LPIN1: variants seen among roughly 807,000 people sequenced by gnomAD.
LPIN1 encodes phosphatidate phosphatase LPIN1.
A neutral mutation model predicts 107.5 loss-of-function variants in LPIN1; 71 were observed. The ratio of observed to expected loss-of-function variants is 0.66; its 90% CI spans 0.55 to 0.80. The LOEUF (loss-of-function observed/expected upper bound fraction) is 0.80, where lower values mean the gene tolerates loss of function less well. LPIN1 is among the 30% of genes least tolerant of loss of function. The pLI, the probability that LPIN1 is intolerant of heterozygous loss-of-function variation, is 0.00. For synonymous variants in LPIN1, 445 were observed against 452.6 expected, an observed-to-expected ratio of 0.98 and a Z score of 0.21; for missense variants, 1,043 against 1,160.6, an observed-to-expected ratio of 0.90 and a Z score of 1.47.
chr2:11,764,836 A>G (rs1291234871), intron 1 of LPIN1, among the ~76,000 whole-genome samples: 1 of 152,252 alleles, frequency 6.6e-6, no homozygotes, highest in East Asian at 1.9e-4. Flanking sequence ...AAACCTGTCC[A>G]TCATGACAGA....
At chr2:11,684,131 T>C (rs1661874088) in intron 1 of LPIN1, among the ~76,000 whole-genome samples, 2 of 152,234 alleles carry the variant, frequency 1.3e-5, no homozygotes, top group African/African-American at 2.4e-5. Context: ...GTGATCCGAA[T>C]GGCAGCTCTG....
chr2:11,819,447 G>A (rs1204023875), intron 18 of LPIN1, 37 bp from the exon 19 acceptor site: 6 of 1,286,218 alleles, frequency 4.7e-6, no homozygotes, highest in Non-Finnish European at 6.8e-6. Flanking sequence ...AGGAAGCTTA[G>A]CCTCTCATGT....
At chr2:11,730,208 AT>A (rs1477595515) in intron 1 of LPIN1, among the ~76,000 whole-genome samples, 3 of 151,336 alleles carry the variant, frequency 2.0e-5, no homozygotes, top group African/African-American at 7.3e-5. Context: ...AGTTTGGGTA[AT>A]TTCTGTTACC....
intron 20 of LPIN1, among the ~76,000 whole-genome samples, chr2:11,823,491 A>C (rs1384229654): frequency 6.6e-6 from 1 of 152,210 alleles, no homozygotes; most frequent in Non-Finnish European, 1.5e-5. Context: ...GTTTCTCATA[A>C]GTCCTTTGGA....
intron 1 of LPIN1, among the ~76,000 whole-genome samples, chr2:11,703,405 G>C (rs1662979981): frequency 6.6e-6 from 1 of 152,120 alleles, no homozygotes; most frequent in South Asian, 2.1e-4. Flanking sequence ...TGCTCTGAGA[G>C]CCCTGGGGTC....
At chr2:11,738,394 A>G (rs1304795705) in intron 1 of LPIN1, among the ~76,000 whole-genome samples, 4 of 151,700 alleles carry the variant, frequency 2.6e-5, no homozygotes, top group Non-Finnish European at 4.4e-5. Context: ...TTAAAAAAAA[A>G]AAAAAAGAAG....
At chr2:11,768,805 G>A (rs948526306) in intron 3 of LPIN1, among the ~76,000 whole-genome samples, 5 of 152,108 alleles carry the variant, frequency 3.3e-5, no homozygotes, top group African/African-American at 9.7e-5. Flanking sequence ...GCGTGGTGGC[G>A]GGTGCCTGTA....
At chr2:11,690,657 C>T (rs944687615) in intron 1 of LPIN1, among the ~76,000 whole-genome samples, 4 of 152,188 alleles carry the variant, frequency 2.6e-5, no homozygotes, top group Non-Finnish European at 1.5e-5. Context: ...ATCTCTTTGA[C>T]TTGCTGTGCC....
rs764494512 is a variant in LPIN1, at chr2:11,765,790, A to G, written c.192+57A>G. 22 of 1,489,524 alleles carry G rather than the reference A, an allele frequency of 1.5e-5. No individual in the cohort carries two copies. The highest frequency in any genetic ancestry group is 1.9e-5 in the Non-Finnish European group (21 of 1,088,544). The allele number at this position is 1,489,524 out of a possible 1,614,324, so 92.3% of individuals were successfully genotyped here. On this transcript the variant is annotated intron_variant, in intron 2 of 20. Transcript: ENST00000674199. The surrounding 1 kb of genome is among the most constrained non-coding windows in gnomAD (Gnocchi z 4.4). ...GGCTCTCCTTAGAGAATGCCCTTGTACTCTGGTGATGCCACCTGTCTTGAA... is the reference window on the plus strand; with the variant it reads ...GGCTCTCCTTAGAGAATGCCCTTGTGCTCTGGTGATGCCACCTGTCTTGAA...
At chr2:11,754,147 G>A (rs1348629230) in intron 1 of LPIN1, among the ~76,000 whole-genome samples, 1 of 152,174 alleles carries the variant, frequency 6.6e-6, no homozygotes, top group Non-Finnish European at 1.5e-5. Flanking sequence ...GACATGATCC[G>A]TTGGCCCCAC....
chr2:11,754,140 A>G (rs887977573), intron 1 of LPIN1, among the ~76,000 whole-genome samples: 1 of 152,192 alleles, frequency 6.6e-6, no homozygotes, highest in Non-Finnish European at 1.5e-5. Context: ...TTGTCCTGAC[A>G]TGATCCGTTG....
At chr2:11,778,400 C>T (rs1045876181) in intron 6 of LPIN1, among the ~76,000 whole-genome samples, 1 of 152,252 alleles carries the variant, frequency 6.6e-6, no homozygotes, top group Non-Finnish European at 1.5e-5. Flanking sequence ...TCTGGCTGCT[C>T]TATGCAGCTT....
intron 1 of LPIN1, among the ~76,000 whole-genome samples, chr2:11,693,663 A>G (rs1017242283): frequency 4.0e-5 from 6 of 150,908 alleles, no homozygotes; most frequent in Admixed American, 2.0e-4. Context: ...CCTCATCTTC[A>G]ATGGGGGTGG....
At position 11,779,671 on chromosome 2, in the gene LPIN1, G is replaced by A. The variant is rs749257910; in HGVS notation, c.957+26G>A. 1.9e-6 allele frequency: 3 copies of A among 1,613,150 alleles called. No homozygotes were observed. The Admixed American group carries it at 5.0e-5, about 27-fold the overall frequency. ...GTGAGAGTCTCTTCAATTCTGCCAC[G>A]GACCGAAGATTTCTAACTCAGCTTA... On this transcript the variant is annotated intron_variant, in intron 7 of 20. Coordinates refer to ENST00000674199, the MANE Select transcript of LPIN1 (RefSeq NM_001349206.2).
chr2:11,819,441 A>C, intron 18 of LPIN1, 43 bp from the exon 19 acceptor site: 2 of 1,235,382 alleles, frequency 1.6e-6, no homozygotes, highest in East Asian at 2.3e-5. Context: ...TGCTAAAGGA[A>C]GCTTAGCCTC....
At chr2:11,688,302 C>T (rs1266891206) in intron 1 of LPIN1, among the ~76,000 whole-genome samples, 2 of 152,194 alleles carry the variant, frequency 1.3e-5, no homozygotes, top group Admixed American at 1.3e-4. Flanking sequence ...CCTCTCCCCA[C>T]AGTCACCCCA....
intron 20 of LPIN1, among the ~76,000 whole-genome samples, chr2:11,821,361 A>T (rs1369136859): frequency 6.6e-6 from 1 of 152,164 alleles, no homozygotes; most frequent in East Asian, 1.9e-4. Context: ...TCCTAAAAAT[A>T]GAAAAATTAG....
At chr2:11,744,286 T>G (rs974853617), upstream of LPIN1, among the ~76,000 whole-genome samples, 1 of 152,214 alleles carries the variant, frequency 6.6e-6, no homozygotes, top group African/African-American at 2.4e-5. Context: ...TCAGGCCTGG[T>G]TGCTGATAGC....
chr2:11,752,663 C>T (rs1220964058), intron 1 of LPIN1, among the ~76,000 whole-genome samples: 1 of 151,650 alleles, frequency 6.6e-6, no homozygotes, highest in Admixed American at 6.6e-5. Flanking sequence ...GATCTCCTGA[C>T]CTCGTGATCC....
Sources: gnomAD v4.1 joint callset for allele counts (sites outside exome capture counted in the v4.1 genomes callset) on GRCh38, gnomAD v4.1.1 for gene constraint, Gnocchi (gnomAD v3.1) non-coding constraint, MANE v1.5 for transcripts, NCBI Gene and HGNC (gene_info 2026-07-23, HGNC 2026-07-21) for gene names.